Variants in FBXO34 observed in about 807,000 individuals in gnomAD.
FBXO34 encodes F-box only protein 34.
In FBXO34, 12 loss-of-function variants were observed where a neutral mutation model predicts 24.5. The ratio of observed to expected loss-of-function variants is 0.49; its 90% confidence interval spans 0.31 to 0.79. The LOEUF (loss-of-function observed/expected upper bound fraction) is 0.79. FBXO34 is among the 30% of genes least tolerant of loss of function. FBXO34 has a pLI of 0.04. For missense variants in FBXO34, 823 were observed against 857.7 expected (o/e 0.96, Z 0.51); for synonymous variants, 320 against 311.9 (o/e 1.03, Z -0.27).
intron 1 of FBXO34, among the ~76,000 whole-genome samples, chr14:55,328,756 G>T (rs1229225229): frequency 6.6e-6 from 1 of 152,158 alleles, no homozygotes; most frequent in East Asian, 1.9e-4. Flanking sequence ...TCCAGTCGGG[G>T]TATTCATTCC....
rs930774185 is a variant in FBXO34 at position 55,351,060 on chromosome 14, A to G, written c.670A>G (p.Ser224Gly). The change falls in exon 2 of 2, where the codon AGC (serine) becomes GGC (glycine). Residue 224 changes from serine (S) to glycine (G), a missense_variant. By Grantham distance (56) the Ser-to-Gly change is moderately conservative. Around this residue, in one of 2 missense-constraint regions of FBXO34, gnomAD observed 693 missense variants for 659.1 expected, o/e 1.05. Coordinates refer to ENST00000313833, the MANE Select transcript of FBXO34 (RefSeq NM_017943.4). ...LEQRASALLA[S>G]CSKNCTNSPA... ...GCAAAGAGCCAGTGCTCTGCTAGCT[A>G]GCTGTTCAAAAAACTGCACAAACTC... 6.2e-7 allele frequency: 1 copy of G among 1,614,236 alleles called. No individual in the cohort carries two copies. The highest frequency in any genetic ancestry group is 8.5e-7 in the Non-Finnish European group (1 of 1,180,040).
the FBXO34 span, among the ~76,000 whole-genome samples, chr14:55,410,850 A>G: frequency 1.1e-4 from 17 of 152,346 alleles, no homozygotes; most frequent in African/African-American, 2.2e-4. Flanking sequence ...TTGTTGAAAC[A>G]TAAGTTGAGA....
chr14:55,402,926 A>AATATATATATATATATAT, the FBXO34 span, among the ~76,000 whole-genome samples: 4 of 16,394 alleles, frequency 2.4e-4, no homozygotes, highest in Non-Finnish European at 3.2e-4. Context: ...AAAAAAAAAA[A>AATATATATATATATATAT]ATATATATAT....
downstream of FBXO34, chr14:55,369,734 T>C: frequency 6.2e-7 from 1 of 1,613,904 alleles, no homozygotes; most frequent in Non-Finnish European, 8.5e-7. Flanking sequence ...GCTCTGACTC[T>C]GGGAGACTTC....
Position 55,352,036 on chromosome 14 carries a change from G to C in FBXO34, c.1646G>C (p.Ser549Thr). ...ESTLPVLEAS[S>T]WKKQVSHDFL... ...ACATTACCAGTGCTTGAGGCATCCAGTTGGAAGAAGCAGGTGTCGCATGAC... is the reference window on the plus strand; with the variant it reads ...ACATTACCAGTGCTTGAGGCATCCACTTGGAAGAAGCAGGTGTCGCATGAC... Residue 549 changes from serine (S) to threonine (T), a missense_variant, in exon 2 of 2, where the codon AGT (serine) becomes ACT (threonine). Physicochemically the swap from Ser to Thr is moderately conservative, Grantham distance 58 (BLOSUM62 1). Around this residue, in one of 2 missense-constraint regions of FBXO34, gnomAD observed 693 missense variants for 659.1 expected, o/e 1.05. Transcript: ENST00000313833. 1 of 1,614,202 alleles carries C rather than the reference G, an allele frequency of 6.2e-7. No individual in the cohort carries two copies. Among genetic ancestry groups the C allele is most frequent in the East Asian group, 2.2e-5 (1 of 44,884 alleles).
chr14:55,373,538 C>T (rs1884861702), downstream of FBXO34, among the ~76,000 whole-genome samples: 1 of 152,204 alleles, frequency 6.6e-6, no homozygotes, highest in Non-Finnish European at 1.5e-5. Context: ...CAGCTCACTG[C>T]AAACTCCGCC....
intron 1 of FBXO34, among the ~76,000 whole-genome samples, chr14:55,273,814 A>G (rs1405589962): frequency 6.6e-6 from 1 of 151,958 alleles, no homozygotes; most frequent in Admixed American, 6.5e-5. Context: ...GTTTTTTTGT[A>G]TGTTTTTTTG....
At chr14:55,281,709 C>A (rs1348676451) in intron 1 of FBXO34, among the ~76,000 whole-genome samples, 1 of 152,184 alleles carries the variant, frequency 6.6e-6, no homozygotes, top group Non-Finnish European at 1.5e-5. Flanking sequence ...AACATCCTTA[C>A]CATTTCCCAA....
In FBXO34 at chr14:55,315,252, T is replaced by C. The variant is rs568265107; in HGVS notation, c.-10-35129T>C. On this transcript the variant is annotated intron_variant, in intron 1 of 1. Transcript: ENST00000313833. ...CTTTATTGTTTACTTTTCTGTTAACTTCTCACTAATTTATTTCAAATTGTA... is the reference window on the plus strand; with the variant it reads ...CTTTATTGTTTACTTTTCTGTTAACCTCTCACTAATTTATTTCAAATTGTA... 4.6e-5 allele frequency among the ~76,000 whole-genome samples: 7 copies of C among 152,354 alleles called. No homozygotes were observed. In the South Asian group the frequency reaches 1.0e-3, roughly 23 times the overall value.
At chr14:55,277,371 G>A (rs1341895906) in intron 1 of FBXO34, among the ~76,000 whole-genome samples, 2 of 152,208 alleles carry the variant, frequency 1.3e-5, no homozygotes, top group Non-Finnish European at 2.9e-5. Context: ...CCAGACTGAA[G>A]TACAGTGGTG....
At position 55,352,658 on chromosome 14, in the gene FBXO34, A is replaced by T; in HGVS notation, c.*132A>T. 1 of 746,522 alleles carries T rather than the reference A, an allele frequency of 1.3e-6. No individual in the cohort carries two copies. The highest frequency in any genetic ancestry group is 2.7e-5 in the South Asian group (1 of 37,086). 46.2% of individuals were successfully genotyped at this position (746,522 alleles called of 1,614,324 possible). ...GTACATCATCAGGACTGCATTGCTC[A>T]GGCATTTTCTAAACTCTAAATTTAC... On this transcript the variant is annotated 3_prime_UTR_variant, in exon 2 of 2. Transcript: ENST00000313833.
At chr14:55,327,616 A>G (rs1362044690) in intron 1 of FBXO34, among the ~76,000 whole-genome samples, 3 of 152,114 alleles carry the variant, frequency 2.0e-5, no homozygotes, top group Non-Finnish European at 4.4e-5. Context: ...AAAATAGGAA[A>G]GATTTTGGAG....
At chr14:55,374,214 A>AT (rs1236087220), downstream of FBXO34, among the ~76,000 whole-genome samples, 7 of 133,464 alleles carry the variant, frequency 5.2e-5, no homozygotes, top group African/African-American at 7.9e-5. Flanking sequence ...TATTATTTTA[A>AT]TGTTTTTTTT....
In FBXO34 at chr14:55,352,623, A is replaced by G. The variant is rs2140094717; in HGVS notation, c.*97A>G. 2.0e-6 allele frequency: 2 copies of G among 995,672 alleles called. No homozygotes were observed. Among genetic ancestry groups the G allele is most frequent in the Admixed American group, 2.9e-5 (1 of 34,336 alleles). 61.7% of individuals were successfully genotyped at this position (995,672 alleles called of 1,614,324 possible). A position where few individuals can be genotyped will look rare whatever the true frequency, so the allele number is the denominator to read the frequency against. Reference sequence around the variant, plus strand: ...GCGTAGCCCCCTGAGTCATCACTCTAGAAGAATCTGTACATCATCAGGACT... The same window carrying G: ...GCGTAGCCCCCTGAGTCATCACTCTGGAAGAATCTGTACATCATCAGGACT... On this transcript the variant is annotated 3_prime_UTR_variant, in exon 2 of 2. Coordinates refer to ENST00000313833, the MANE Select transcript of FBXO34 (RefSeq NM_017943.4).
the FBXO34 span, among the ~76,000 whole-genome samples, chr14:55,400,870 C>G: frequency 6.6e-6 from 1 of 151,584 alleles, no homozygotes; most frequent in Admixed American, 6.6e-5. Context: ...CGTCACTGCA[C>G]TCCAGCCTGG....
At chr14:55,393,858 A>G in the FBXO34 span, among the ~76,000 whole-genome samples, 776 of 151,994 alleles carry the variant, frequency 5.1e-3, 6 homozygotes, top group African/African-American at 0.018. Flanking sequence ...CGCAGATTTT[A>G]TAAGAGTATA....
chr14:55,424,264 G>A, the FBXO34 span: 6 of 1,581,920 alleles, frequency 3.8e-6, no homozygotes, highest in Non-Finnish European at 4.3e-6. Context: ...CTGTTAAGAT[G>A]TAAAAGGAAA....
chr14:55,334,220 AG>A (rs768476907), intron 1 of FBXO34, among the ~76,000 whole-genome samples: 2 of 152,126 alleles, frequency 1.3e-5, no homozygotes, highest in Non-Finnish European at 2.9e-5. Flanking sequence ...AATCAGGTGG[AG>A]CTGCTTAATT....
At chr14:55,379,701 G>A in the FBXO34 span, among the ~76,000 whole-genome samples, 1 of 152,156 alleles carries the variant, frequency 6.6e-6, no homozygotes, top group African/African-American at 2.4e-5. Context: ...AACTGGGTAG[G>A]CTGTATATCT....
Sources: allele counts gnomAD v4.1 joint callset (sites outside exome capture counted in the v4.1 genomes callset), GRCh38; gene constraint gnomAD v4.1.1; regional missense constraint gnomAD v4.1.1; transcripts MANE v1.5; gene names NCBI Gene and HGNC (gene_info 2026-07-23, HGNC 2026-07-21).